The following NEDD9 variants were observed in gnomAD, a reference collection of about 807,000 sequenced individuals.
The protein encoded by NEDD9 is neural precursor cell expressed, developmentally down-regulated 9.
In NEDD9, 26 loss-of-function variants were observed where a neutral mutation model predicts 76.6. The ratio of observed to expected loss-of-function variants is 0.34; its 90% CI spans 0.25 to 0.47. The LOEUF is 0.47. Ranked by LOEUF, NEDD9 falls within the 20% of genes least tolerant of loss-of-function variation. NEDD9 has a pLI of 1.00. For synonymous variants in NEDD9, 392 were observed against 414.2 expected, an observed-to-expected ratio of 0.95 and a Z score of 0.65; for missense variants, 937 against 1,058.5, an observed-to-expected ratio of 0.89 and a Z score of 1.59.
chr6:11,184,977 GA>G lies in NEDD9; in HGVS notation c.*184del, dbSNP rs1160666934. 312 of 697,436 alleles carry G rather than the reference GA, an allele frequency of 4.5e-4. No homozygotes were observed. Among genetic ancestry groups the G allele is most frequent in the Non-Finnish European group, 5.2e-4 (236 of 452,746 alleles). 43.2% of individuals were successfully genotyped at this position (697,436 alleles called of 1,614,324 possible). ...TGTATACATAAGAACCACTCAGGGG[GA>G]AAAAAAAAGATTTCCCTCTCCAGCT... On this transcript the variant is annotated 3_prime_UTR_variant, in exon 7 of 7. Transcript: ENST00000379446.
intron 3 of NEDD9, among the ~76,000 whole-genome samples, chr6:11,294,362 T>A (rs969779793): frequency 6.6e-6 from 1 of 152,016 alleles, no homozygotes; most frequent in African/African-American, 2.4e-5. Context: ...TGGTGGGAAA[T>A]GTTGGATCAT....
chr6:11,376,455 G>A (rs1762970271), intron 1 of NEDD9, among the ~76,000 whole-genome samples: 1 of 152,162 alleles, frequency 6.6e-6, no homozygotes, highest in Admixed American at 6.5e-5. Flanking sequence ...AAATGGAATG[G>A]GGTCATTCTT....
rs1186101789 is a variant in NEDD9 at position 11,194,712 on chromosome 6, G to A, written c.460-1020C>T. ...ACATCCCCAACAGTACCTACGTCAA[G>A]GGATATCAGAAGTCAAATAGCGTTC... On this transcript the variant is annotated intron_variant, in intron 2 of 6. Transcript: ENST00000379446. Among the ~76,000 whole-genome samples the A allele has an allele frequency of 2.6e-5, 4 of 152,172 alleles. No individual in the cohort carries two copies. The East Asian group carries it at 5.8e-4, about 22-fold the overall frequency.
Position 11,190,516 on chromosome 6 carries a change from T to G in NEDD9, c.1353A>C (p.Ala451=). The G allele has an allele frequency of 3.7e-6, 6 of 1,614,226 alleles. No individual in the cohort carries two copies. The highest frequency in any genetic ancestry group is 5.1e-6 in the Non-Finnish European group (6 of 1,180,048). Residue 451 remains alanine, a synonymous_variant, in exon 5 of 7, where the codon GCA becomes GCC. Coordinates refer to ENST00000379446, the MANE Select transcript of NEDD9 (RefSeq NM_006403.4). The surrounding 1 kb of genome is among the most constrained non-coding windows in gnomAD (Gnocchi z 5.8). ...MERHINEIRT[A]VDKVELFLKE... The stretch of plus-strand genomic sequence containing the variant: ...TCAGGAACAGCTCCACCTTGTCCAC[T>G]GCTGTGCGTATTTCATTGATGTGTC...
chr6:11,193,770 A>C, intron 2 of NEDD9, 78 bp from the exon 3 acceptor site: 1 of 859,924 alleles, frequency 1.2e-6, no homozygotes, highest in Non-Finnish European at 1.9e-6. Context: ...CTAAGCACTC[A>C]TCCCTCAACT....
chr6:11,236,186 C>T (rs749736157), upstream of NEDD9, among the ~76,000 whole-genome samples: 2 of 152,048 alleles, frequency 1.3e-5, no homozygotes, highest in Non-Finnish European at 2.9e-5. The surrounding 1 kb of genome is among the most constrained non-coding windows in gnomAD (Gnocchi z 5.5). Flanking sequence ...TGCAGCAGCC[C>T]TAGGATTCCC....
chr6:11,356,727 A>ACCCCC (rs61435147), intron 1 of NEDD9, among the ~76,000 whole-genome samples: 1 of 112,608 alleles, frequency 8.9e-6, no homozygotes, highest in Non-Finnish European at 1.9e-5. Context: ...ATCATAACCC[A>ACCCCC]CCCCCCCCAC....
intron 1 of NEDD9, among the ~76,000 whole-genome samples, chr6:11,367,596 T>C (rs897748732): frequency 6.6e-6 from 1 of 152,228 alleles, no homozygotes. Context: ...TCACACATCC[T>C]GTGCTTTCTT....
intron 3 of NEDD9, among the ~76,000 whole-genome samples, chr6:11,270,103 T>C (rs1760272975): frequency 6.6e-6 from 1 of 152,234 alleles, no homozygotes; most frequent in South Asian, 2.1e-4. Context: ...CACTCCAGTC[T>C]GGGCAACAGA....
At chr6:11,350,625 G>A (rs1033156069) in intron 1 of NEDD9, among the ~76,000 whole-genome samples, 4 of 152,138 alleles carry the variant, frequency 2.6e-5, no homozygotes, top group African/African-American at 7.2e-5. Context: ...CTTAGAGGTC[G>A]GCGAGCTTGG....
At chr6:11,295,367 T>TCGGG (rs1760867171) in intron 3 of NEDD9, among the ~76,000 whole-genome samples, 2 of 152,230 alleles carry the variant, frequency 1.3e-5, no homozygotes, top group Non-Finnish European at 2.9e-5. Context: ...TCCCATTCTG[T>TCGGG]AGGGTGCGAG....
chr6:11,285,914 G>A (rs182535144), intron 3 of NEDD9, among the ~76,000 whole-genome samples: 331 of 152,220 alleles, frequency 2.2e-3, no homozygotes, highest in African/African-American at 7.1e-3. Flanking sequence ...AAGAGAAAAT[G>A]TTTGTGACTT....
chr6:11,228,423 AG>A (rs1759371882), intron 1 of NEDD9, among the ~76,000 whole-genome samples: 1 of 151,762 alleles, frequency 6.6e-6, no homozygotes, highest in Non-Finnish European at 1.5e-5. Context: ...CCAGCTACTC[AG>A]GAGGCCGAGA....
At position 11,191,090 on chromosome 6, in the gene NEDD9, A is replaced by G. The variant is rs1252812203; in HGVS notation, c.779T>C (p.Val260Ala). The G allele has an allele frequency of 2.5e-6, 4 of 1,613,086 alleles. No homozygotes were observed. Among genetic ancestry groups the G allele is most frequent in the Non-Finnish European group, 3.4e-6 (4 of 1,179,844 alleles). ...GGTGCAGGTTGGAGGAATGTCATAA[A>G]CCCCCTCCGGTCTGAGGTCCGGCCT... ...AGRPDLRPEGVYDIPPTCTKP... is the reference protein window; with the variant it reads ...AGRPDLRPEGAYDIPPTCTKP... Residue 260 changes from valine (V) to alanine (A), a missense_variant, in exon 5 of 7, where the codon GTT (valine) becomes GCT (alanine). Coordinates refer to ENST00000379446, the MANE Select transcript of NEDD9 (RefSeq NM_006403.4).
intron 2 of NEDD9, among the ~76,000 whole-genome samples, chr6:11,204,685 A>G (rs1029940919): frequency 1.5e-5 from 2 of 137,588 alleles, no homozygotes; most frequent in African/African-American, 5.6e-5. Context: ...GTGCCACTGC[A>G]CTCCAGCCTG....
chr6:11,193,795 G>A (rs74795872), intron 2 of NEDD9, 103 bp from the exon 3 acceptor site: 15,488 of 662,216 alleles, frequency 0.023, 260 homozygotes, highest in Non-Finnish European at 0.032. Context: ...CTCATAAAAA[G>A]ATAGAAAGAA....
intron 1 of NEDD9, among the ~76,000 whole-genome samples, chr6:11,357,674 T>C (rs752437896): frequency 2.0e-5 from 3 of 152,218 alleles, no homozygotes; most frequent in Non-Finnish European, 4.4e-5. Flanking sequence ...GGCGCTTGCT[T>C]CGGTGCTGAT....
intron 1 of NEDD9, among the ~76,000 whole-genome samples, chr6:11,359,557 T>G (rs897384463): frequency 6.6e-6 from 1 of 152,286 alleles, no homozygotes; most frequent in Admixed American, 6.5e-5. Context: ...CCTCTCATTC[T>G]CTGTACAAAC....
chr6:11,257,151 C>T (rs1760018143), intron 3 of NEDD9, among the ~76,000 whole-genome samples: 2 of 152,160 alleles, frequency 1.3e-5, no homozygotes, highest in Non-Finnish European at 2.9e-5. Flanking sequence ...AATGGTGGAG[C>T]CAGGGTTCCT....
Sources: allele counts gnomAD v4.1 joint callset (sites outside exome capture counted in the v4.1 genomes callset), GRCh38; gene constraint gnomAD v4.1.1; non-coding constraint Gnocchi (gnomAD v3.1); transcripts MANE v1.5; gene names NCBI Gene and HGNC (gene_info 2026-07-23, HGNC 2026-07-21).